Variants in RAPGEF4 observed in about 807,000 individuals in gnomAD.
The protein encoded by RAPGEF4 is Rap guanine nucleotide exchange factor 4.
A neutral mutation model predicts 147.9 loss-of-function variants in RAPGEF4; 66 were observed. The ratio of observed to expected loss-of-function variants is 0.45; its 90% confidence interval spans 0.37 to 0.55. RAPGEF4 has a LOEUF of 0.55. RAPGEF4 is among the 20% of genes least tolerant of loss of function. The pLI, the probability that RAPGEF4 is intolerant of heterozygous loss-of-function variation, is 0.00. For missense variants in RAPGEF4, 1,071 were observed against 1,257.3 expected (o/e 0.85, Z 2.24); for synonymous variants, 419 against 442.7 (o/e 0.95, Z 0.67).
At chr2:172,990,259 A>G (rs759056501) in intron 14 of RAPGEF4, among the ~76,000 whole-genome samples, 36 of 152,232 alleles carry the variant, frequency 2.4e-4, no homozygotes, top group Admixed American at 5.9e-4. Flanking sequence ...CAGCCAAAAC[A>G]TTCTTTGAAC....
chr2:172,842,090 T>C (rs1412596374), intron 4 of RAPGEF4, among the ~76,000 whole-genome samples: 1 of 152,192 alleles, frequency 6.6e-6, no homozygotes, highest in Admixed American at 6.5e-5. Context: ...CCATCTGTTA[T>C]GTGTAAGATA....
chr2:173,017,592 T>C (rs1285963546), intron 21 of RAPGEF4, 88 bp downstream of exon 21: 11 of 1,310,492 alleles, frequency 8.4e-6, no homozygotes, highest in Admixed American at 8.1e-5. Context: ...ACAGAATAGC[T>C]TCTTTTGAAG....
chr2:172,949,439 T>C (rs1394495021), intron 6 of RAPGEF4, among the ~76,000 whole-genome samples: 1 of 152,164 alleles, frequency 6.6e-6, no homozygotes, highest in East Asian at 1.9e-4. Flanking sequence ...GGCGGAAATA[T>C]ATCCCATAGA....
intron 1 of RAPGEF4, among the ~76,000 whole-genome samples, chr2:172,766,815 T>A (rs1696892262): frequency 6.6e-6 from 1 of 152,246 alleles, no homozygotes; most frequent in Non-Finnish European, 1.5e-5. Flanking sequence ...GATCTATTGA[T>A]GTTGTTGAAT....
At chr2:172,812,379 G>A (rs1052741382) in intron 3 of RAPGEF4, among the ~76,000 whole-genome samples, 24 of 152,138 alleles carry the variant, frequency 1.6e-4, no homozygotes, top group Middle Eastern at 3.2e-3. Context: ...CAGCACTACC[G>A]TGATGAAATT....
chr2:172,927,293 T>A (rs1490845173), intron 6 of RAPGEF4, among the ~76,000 whole-genome samples: 1 of 152,156 alleles, frequency 6.6e-6, no homozygotes, highest in Admixed American at 6.5e-5. Context: ...ATTTGGGGAA[T>A]TTTTAGGGAA....
At chr2:172,783,337 T>C (rs918888690) in intron 1 of RAPGEF4, among the ~76,000 whole-genome samples, 1 of 152,198 alleles carries the variant, frequency 6.6e-6, no homozygotes, top group African/African-American at 2.4e-5. Context: ...CTTATCTCAT[T>C]TGGGATCTTG....
intron 4 of RAPGEF4, among the ~76,000 whole-genome samples, chr2:172,866,492 C>T (rs1032483350): frequency 3.3e-5 from 5 of 152,056 alleles, no homozygotes; most frequent in African/African-American, 4.8e-5. Flanking sequence ...AAATATAAGT[C>T]GTATTCAGGG....
intron 4 of RAPGEF4, among the ~76,000 whole-genome samples, chr2:172,885,641 A>G (rs963035686): frequency 6.6e-6 from 1 of 152,200 alleles, no homozygotes; most frequent in Admixed American, 6.5e-5. Flanking sequence ...TTACAAAACT[A>G]TCAGCTCTCA....
chr2:172,892,198 C>T (rs1698000362), intron 4 of RAPGEF4, among the ~76,000 whole-genome samples: 1 of 152,318 alleles, frequency 6.6e-6, no homozygotes, highest in East Asian at 1.9e-4. Flanking sequence ...GCCCGTTCCC[C>T]TGAGAACTCT....
At chr2:172,921,650 C>T (rs975561059) in intron 5 of RAPGEF4, among the ~76,000 whole-genome samples, 3 of 152,198 alleles carry the variant, frequency 2.0e-5, no homozygotes, top group Non-Finnish European at 4.4e-5. Flanking sequence ...AGGAATAGGA[C>T]TGCCTGTAGT....
At position 173,013,855 on chromosome 2, in the gene RAPGEF4, G is replaced by T. The variant is rs142012467; in HGVS notation, c.1659-609G>T. Among the ~76,000 whole-genome samples the T allele has an allele frequency of 3.9e-3, 596 of 152,232 alleles. 4 individuals carry two copies. The highest frequency in any genetic ancestry group is 6.3e-3 in the Non-Finnish European group (431 of 68,010). ...GGTTCTACACAAGAGAAGAAGATATGGTGTAAAAATGTGTCTGAGGCCCTC... is the reference window on the plus strand; with the variant it reads ...GGTTCTACACAAGAGAAGAAGATATTGTGTAAAAATGTGTCTGAGGCCCTC... On this transcript the variant is annotated intron_variant, in intron 17 of 30. Transcript: ENST00000397081.
chr2:173,043,835 C>T (rs146517688), intron 29 of RAPGEF4, among the ~76,000 whole-genome samples: 8 of 152,202 alleles, frequency 5.3e-5, no homozygotes, highest in Admixed American at 2.0e-4. Flanking sequence ...TTTGGGATGC[C>T]GGCCTCAGAG....
intron 10 of RAPGEF4, 99 bp downstream of exon 10, chr2:172,967,543 G>C (rs936247991): frequency 7.8e-7 from 1 of 1,284,514 alleles, no homozygotes; most frequent in Non-Finnish European, 1.1e-6. Flanking sequence ...AAAAGCCCTG[G>C]CCATCCCCCA....
intron 30 of RAPGEF4, among the ~76,000 whole-genome samples, chr2:173,050,069 A>G (rs771857770): frequency 3.9e-5 from 6 of 152,214 alleles, no homozygotes; most frequent in Non-Finnish European, 5.9e-5. Context: ...TTGGAAGTAA[A>G]TCTTGCATTC....
intron 6 of RAPGEF4, among the ~76,000 whole-genome samples, chr2:172,944,404 T>A (rs1687474037): frequency 6.6e-6 from 1 of 152,166 alleles, no homozygotes; most frequent in Admixed American, 6.5e-5. Context: ...TAGGTAGAGA[T>A]AGAGGCAAGA....
intron 12 of RAPGEF4, among the ~76,000 whole-genome samples, chr2:172,987,912 G>A (rs944606869): frequency 6.6e-6 from 1 of 152,190 alleles, no homozygotes; most frequent in East Asian, 1.9e-4. Flanking sequence ...AATGAATTGT[G>A]GAAGAAATGT....
At chr2:173,051,532 G>A (rs1421554507) in intron 30 of RAPGEF4, 108 bp from the exon 31 acceptor site, 1 of 1,248,810 alleles carries the variant, frequency 8.0e-7, no homozygotes. Flanking sequence ...AAGGTCTTGA[G>A]GGAACCCAGG....
intron 4 of RAPGEF4, among the ~76,000 whole-genome samples, chr2:172,848,237 G>C (rs2149725590): frequency 6.6e-6 from 1 of 152,222 alleles, no homozygotes; most frequent in Non-Finnish European, 1.5e-5. Context: ...TCCAATGACA[G>C]TGCAGTGACA....
Sources: allele counts gnomAD v4.1 joint callset (sites outside exome capture counted in the v4.1 genomes callset), GRCh38; gene constraint gnomAD v4.1.1; transcripts MANE v1.5; gene names NCBI Gene and HGNC (gene_info 2026-07-23, HGNC 2026-07-21).